The following PTPRT variants were observed in gnomAD, a reference collection of about 807,000 sequenced individuals.
The protein encoded by PTPRT is receptor-type tyrosine-protein phosphatase T.
A neutral mutation model predicts 176.8 loss-of-function variants in PTPRT; 56 were observed. The observed-to-expected ratio is 0.32, with a 90% CI of 0.26 to 0.40. PTPRT has a LOEUF of 0.40. PTPRT is among the 10% of genes least tolerant of loss of function. The pLI is 1.00. For synonymous variants in PTPRT, 783 were observed against 739.0 expected (o/e 1.06, Z -0.96); for missense variants, 1,540 against 1,908.2 (o/e 0.81, Z 3.60).
At chr20:42,393,630 G>A (rs1439022826) in intron 9 of PTPRT, among the ~76,000 whole-genome samples, 1 of 152,160 alleles carries the variant, frequency 6.6e-6, no homozygotes, top group African/African-American at 2.4e-5. Context: ...CTCTTTCAAA[G>A]TAAAGTACCA....
intron 1 of PTPRT, among the ~76,000 whole-genome samples, chr20:42,900,783 G>C (rs887298447): frequency 6.6e-6 from 1 of 152,086 alleles, no homozygotes; most frequent in Non-Finnish European, 1.5e-5. Context: ...AAAACCCCTC[G>C]TGGCCTTTGG....
chr20:42,059,077 A>G, the PTPRT span, among the ~76,000 whole-genome samples: 756 of 152,314 alleles, frequency 5.0e-3, 2 homozygotes, highest in African/African-American at 0.018. Context: ...CTTTTGCTGC[A>G]GAGTGAGAAG....
At chr20:42,317,981 A>G (rs2057745185) in intron 11 of PTPRT, among the ~76,000 whole-genome samples, 1 of 152,162 alleles carries the variant, frequency 6.6e-6, no homozygotes, top group Non-Finnish European at 1.5e-5. Context: ...AGGGTGTACC[A>G]TTTCCAAGTG....
intron 2 of PTPRT, among the ~76,000 whole-genome samples, chr20:42,793,645 T>G (rs901424281): frequency 4.6e-5 from 7 of 152,130 alleles, no homozygotes; most frequent in African/African-American, 1.7e-4. Flanking sequence ...AGTGGAGCAA[T>G]GTCTCTATGT....
intron 8 of PTPRT, among the ~76,000 whole-genome samples, chr20:42,451,405 T>G (rs1475366911): frequency 6.6e-6 from 1 of 152,018 alleles, no homozygotes; most frequent in Admixed American, 6.6e-5. Context: ...ACATAGAACA[T>G]CCAAGTGGCA....
rs112201971 is a variant in PTPRT, at chr20:42,868,119, G to T, written c.214+17688C>A. On this transcript the variant is annotated intron_variant, in intron 2 of 30. Transcript: ENST00000373187. Reference sequence around the variant, plus strand: ...TAGAAATGGGTAATGAGTAGAAGCTGGAAGACTTTAGAGATTCATGCTGCA... The same window carrying T: ...TAGAAATGGGTAATGAGTAGAAGCTTGAAGACTTTAGAGATTCATGCTGCA... Among the ~76,000 whole-genome samples the T allele has an allele frequency of 3.4e-3, 525 of 152,244 alleles. 1 individual carries two copies. Among genetic ancestry groups the T allele is most frequent in the African/African-American group, 0.012 (497 of 41,548 alleles).
chr20:42,655,557 T>G (rs899442009), intron 7 of PTPRT, among the ~76,000 whole-genome samples: 2 of 152,132 alleles, frequency 1.3e-5, no homozygotes, highest in African/African-American at 4.8e-5. Flanking sequence ...AAATAAAACA[T>G]GAGACTTCAA....
intron 7 of PTPRT, among the ~76,000 whole-genome samples, chr20:42,577,948 T>C (rs1174316779): frequency 6.7e-6 from 1 of 148,328 alleles, no homozygotes; most frequent in Non-Finnish European, 1.5e-5. Context: ...TGTGTGTGTG[T>C]GTGTGTGTGT....
At chr20:42,242,547 A>C (rs2146887207) in intron 14 of PTPRT, among the ~76,000 whole-genome samples, 1 of 152,352 alleles carries the variant, frequency 6.6e-6, no homozygotes, top group African/African-American at 2.4e-5. Context: ...TTATAGGAGA[A>C]AGTGCCTACT....
intron 2 of PTPRT, among the ~76,000 whole-genome samples, chr20:42,881,490 C>T (rs977835758): frequency 1.3e-4 from 20 of 151,910 alleles, no homozygotes; most frequent in Admixed American, 3.9e-4. Context: ...TTTGGGAGGC[C>T]GAGGCGGAAG....
chr20:42,931,173 C>A (rs957454821), intron 1 of PTPRT, among the ~76,000 whole-genome samples: 3 of 152,160 alleles, frequency 2.0e-5, no homozygotes, highest in African/African-American at 4.8e-5. Context: ...CGTGTTGAAG[C>A]TCTAACCCCC....
chr20:42,286,316 C>G (rs182180371), intron 12 of PTPRT, among the ~76,000 whole-genome samples: 19 of 152,074 alleles, frequency 1.2e-4, no homozygotes, highest in Admixed American at 9.8e-4. Flanking sequence ...TTCACACTAA[C>G]AGACTTTAAA....
At chr20:42,596,654 GAA>G (rs992383469) in intron 7 of PTPRT, among the ~76,000 whole-genome samples, 5 of 152,098 alleles carry the variant, frequency 3.3e-5, no homozygotes, top group African/African-American at 1.2e-4. Context: ...AAATCAGTAA[GAA>G]AATGCCAAAA....
In PTPRT at chr20:42,079,922, C is replaced by T; in HGVS notation, c.*957G>A. ...CTTAGAGGTACATACTCAAACTCCC[C>T]CGCCCCCTTCTTTTTGACATAAGAG... On this transcript the variant is annotated 3_prime_UTR_variant, in exon 31 of 31. Coordinates refer to ENST00000373187, the MANE Select transcript of PTPRT (RefSeq NM_007050.6). The T allele has an allele frequency of 4.3e-6, 1 of 232,582 alleles. No homozygotes were observed. The highest frequency in any genetic ancestry group is 8.5e-6 in the Non-Finnish European group (1 of 117,622). The allele number at this position is 232,582 out of a possible 1,614,324, so 14.4% of individuals were successfully genotyped here. A position where few individuals can be genotyped will look rare whatever the true frequency, so the allele number is the denominator to read the frequency against.
intron 16 of PTPRT, among the ~76,000 whole-genome samples, chr20:42,176,185 C>T (rs1476685923): frequency 6.6e-6 from 1 of 152,060 alleles, no homozygotes; most frequent in African/African-American, 2.4e-5. Flanking sequence ...GTTAGGTACA[C>T]CTTGCTCTCT....
chr20:42,347,561 G>T (rs1277259712), intron 11 of PTPRT, among the ~76,000 whole-genome samples: 3 of 152,164 alleles, frequency 2.0e-5, no homozygotes, highest in African/African-American at 7.2e-5. Context: ...GACACCATTG[G>T]TGGGACCTAG....
At chr20:42,603,363 T>G (rs2073816732) in intron 7 of PTPRT, among the ~76,000 whole-genome samples, 1 of 150,760 alleles carries the variant, frequency 6.6e-6, no homozygotes, top group South Asian at 2.1e-4. Flanking sequence ...GGGCTAGGGG[T>G]GGGGTGGAGA....
chr20:42,128,883 T>C, intron 18 of PTPRT, 53 bp from the exon 19 acceptor site: 1 of 1,452,452 alleles, frequency 6.9e-7, no homozygotes, highest in Non-Finnish European at 9.4e-7. Flanking sequence ...CTTACGCAGC[T>C]AATGTCCTCC....
At chr20:42,941,160 A>AT (rs1479926966) in intron 1 of PTPRT, among the ~76,000 whole-genome samples, 1 of 151,946 alleles carries the variant, frequency 6.6e-6, no homozygotes, top group Non-Finnish European at 1.5e-5. Flanking sequence ...AATTCCATAG[A>AT]TTTTATTCCT....
Sources: allele counts gnomAD v4.1 joint callset (sites outside exome capture counted in the v4.1 genomes callset), GRCh38; gene constraint gnomAD v4.1.1; transcripts MANE v1.5; gene names NCBI Gene and HGNC (gene_info 2026-07-23, HGNC 2026-07-21).